ADAMTSL1: variants seen among roughly 807,000 people sequenced by gnomAD.
ADAMTSL1 encodes ADAMTS-like protein 1.
A neutral mutation model predicts 201.8 loss-of-function variants in ADAMTSL1; 126 were observed. The observed-to-expected ratio is 0.62, with a 90% CI of 0.54 to 0.72. The LOEUF (loss-of-function observed/expected upper bound fraction) is 0.72, where lower values mean the gene tolerates loss of function less well. Among genes scored for constraint, ADAMTSL1 ranks in the 30% least tolerant of loss-of-function variants. ADAMTSL1 has a pLI of 0.00. For synonymous variants in ADAMTSL1, 1,121 were observed against 903.4 expected (o/e 1.24, Z -4.32); for missense variants, 2,679 against 2,277.8 (o/e 1.18, Z -3.59).
At chr9:18,204,805 TA>T (rs1286919618) in intron 2 of ADAMTSL1, among the ~76,000 whole-genome samples, 2 of 152,058 alleles carry the variant, frequency 1.3e-5, no homozygotes, top group Non-Finnish European at 2.9e-5. Context: ...CCCTGGGCAA[TA>T]ACTGTAATGT....
chr9:18,000,857 A>G (rs1199357297), intron 1 of ADAMTSL1, among the ~76,000 whole-genome samples: 2 of 152,046 alleles, frequency 1.3e-5, no homozygotes, highest in Non-Finnish European at 2.9e-5. Context: ...CTTCTGGGGT[A>G]AAACAACTTT....
rs140306865 is a variant in ADAMTSL1 at position 18,161,349 on chromosome 9, G to T, written c.88-2513G>T. Among the ~76,000 whole-genome samples, 138 of 152,102 alleles carry T rather than the reference G, an allele frequency of 9.1e-4. 1 individual carries two copies. Among genetic ancestry groups the T allele is most frequent in the African/African-American group, 3.3e-3 (135 of 41,526 alleles). On this transcript the variant is annotated intron_variant, in intron 1 of 29. Transcript: ENST00000680146. ...GCACAGAAGTTTTCACAAAGAAAATGCAACTAAGTTCATTAGGCTTCTTTT... is the reference window on the plus strand; with the variant it reads ...GCACAGAAGTTTTCACAAAGAAAATTCAACTAAGTTCATTAGGCTTCTTTT...
At chr9:17,988,544 ATTG>A (rs1819015534) in intron 1 of ADAMTSL1, among the ~76,000 whole-genome samples, 1 of 150,240 alleles carries the variant, frequency 6.7e-6, no homozygotes, top group Non-Finnish European at 1.5e-5. Flanking sequence ...AAATCCCCTT[ATTG>A]TTCTTTTTTC....
chr9:17,985,665 TA>T (rs1286806127), intron 1 of ADAMTSL1, among the ~76,000 whole-genome samples: 1 of 152,138 alleles, frequency 6.6e-6, no homozygotes, highest in Non-Finnish European at 1.5e-5. Context: ...ATATATTACA[TA>T]ATTATACACA....
intron 1 of ADAMTSL1, among the ~76,000 whole-genome samples, chr9:18,141,461 G>T (rs954848704): frequency 5.9e-5 from 9 of 152,142 alleles, no homozygotes; most frequent in Admixed American, 5.9e-4. Context: ...AAGATTCTGA[G>T]GTTAAAGCAG....
At chr9:18,582,848 C>A (rs1823196116) in intron 4 of ADAMTSL1, among the ~76,000 whole-genome samples, 1 of 142,464 alleles carries the variant, frequency 7.0e-6, no homozygotes, top group African/African-American at 2.7e-5. Flanking sequence ...GACTCCATCT[C>A]AAAATAAAAT....
rs552901822 is a variant in ADAMTSL1, at chr9:18,232,135, C to T, written c.207+68154C>T. Among the ~76,000 whole-genome samples the T allele has an allele frequency of 6.6e-5, 10 of 152,250 alleles. No homozygotes were observed. In the South Asian group the frequency reaches 1.0e-3, roughly 16 times the overall value. The stretch of plus-strand genomic sequence containing the variant: ...CCTAGAGGAGCCCATCTCCTATTTA[C>T]GCACTGACCTTGATTTTCCTCCTAT... On this transcript the variant is annotated intron_variant, in intron 2 of 29. Transcript: ENST00000680146.
chr9:18,864,371 G>C (rs972452967), intron 23 of ADAMTSL1, among the ~76,000 whole-genome samples: 1 of 152,130 alleles, frequency 6.6e-6, no homozygotes, highest in African/African-American at 2.4e-5. Context: ...TGGCTGTGTG[G>C]CTCACTCAAA....
chr9:18,135,243 T>G (rs1341123453), intron 1 of ADAMTSL1, among the ~76,000 whole-genome samples: 1 of 152,166 alleles, frequency 6.6e-6, no homozygotes, highest in Non-Finnish European at 1.5e-5. Context: ...ACAATTGAAT[T>G]CTTTTAACTG....
intron 1 of ADAMTSL1, among the ~76,000 whole-genome samples, chr9:17,980,600 G>A (rs1818650008): frequency 6.6e-6 from 1 of 152,012 alleles, no homozygotes; most frequent in South Asian, 2.1e-4. Flanking sequence ...ATGGTGTGAT[G>A]GGGTTGGGAG....
intron 19 of ADAMTSL1, among the ~76,000 whole-genome samples, chr9:18,791,494 A>T (rs1047356688): frequency 6.6e-6 from 1 of 152,124 alleles, no homozygotes; most frequent in South Asian, 2.1e-4. Context: ...GTTGAGTCTT[A>T]TGGTGGTCCC....
At chr9:18,702,888 G>A (rs979068805) in intron 13 of ADAMTSL1, among the ~76,000 whole-genome samples, 12 of 151,620 alleles carry the variant, frequency 7.9e-5, no homozygotes, top group Non-Finnish European at 1.6e-4. Context: ...TCAGCCTCCC[G>A]AGTAGCTGGG....
At chr9:18,094,823 C>A (rs1348363466) in intron 1 of ADAMTSL1, among the ~76,000 whole-genome samples, 1 of 151,338 alleles carries the variant, frequency 6.6e-6, no homozygotes, top group East Asian at 2.0e-4. Flanking sequence ...GCCTCAGCCT[C>A]CCAAAGTACC....
intron 2 of ADAMTSL1, among the ~76,000 whole-genome samples, chr9:18,170,472 C>T (rs1421263978): frequency 6.6e-6 from 1 of 151,854 alleles, no homozygotes; most frequent in Non-Finnish European, 1.5e-5. Flanking sequence ...ACAGTAGTAA[C>T]AAAACTATAA....
chr9:17,946,923 G>T (rs1827510867), intron 1 of ADAMTSL1, among the ~76,000 whole-genome samples: 1 of 152,046 alleles, frequency 6.6e-6, no homozygotes, highest in Non-Finnish European at 1.5e-5. Flanking sequence ...AAATTCAGTG[G>T]ATTTGTGTAC....
chr9:18,180,736 AT>A (rs1828428101), intron 2 of ADAMTSL1, among the ~76,000 whole-genome samples: 1 of 152,150 alleles, frequency 6.6e-6, no homozygotes, highest in African/African-American at 2.4e-5. Flanking sequence ...ATTCAATGCC[AT>A]CCCCATCAAG....
chr9:18,295,252 C>T (rs753059262), intron 2 of ADAMTSL1, among the ~76,000 whole-genome samples: 10 of 151,526 alleles, frequency 6.6e-5, no homozygotes, highest in African/African-American at 1.9e-4. Context: ...TCACAGTGTA[C>T]GAAGCAACAA....
intron 15 of ADAMTSL1, among the ~76,000 whole-genome samples, chr9:18,744,686 G>A (rs538574922): frequency 6.6e-6 from 1 of 152,310 alleles, no homozygotes; most frequent in South Asian, 2.1e-4. Context: ...TTAAATATGA[G>A]TGAATTGTTA....
intron 1 of ADAMTSL1, among the ~76,000 whole-genome samples, chr9:18,137,494 G>A (rs1826211058): frequency 6.6e-6 from 1 of 151,996 alleles, no homozygotes; most frequent in African/African-American, 2.4e-5. Flanking sequence ...TAGTCTCAGT[G>A]GTTAAACTTA....
Sources: allele counts gnomAD v4.1 joint callset (sites outside exome capture counted in the v4.1 genomes callset), GRCh38; gene constraint gnomAD v4.1.1; transcripts MANE v1.5; gene names NCBI Gene and HGNC (gene_info 2026-07-23, HGNC 2026-07-21).